AMOTL1: variants seen among roughly 807,000 people sequenced by gnomAD.
AMOTL1 encodes angiomotin-like protein 1.
In AMOTL1, 45 loss-of-function variants were observed where a neutral mutation model predicts 102.9. The observed-to-expected ratio is 0.44, with a 90% confidence interval of 0.34 to 0.56. AMOTL1 has a LOEUF of 0.56. Among genes scored for constraint, AMOTL1 ranks in the 20% least tolerant of loss-of-function variants. The probability of loss-of-function intolerance (pLI) is 0.01; values close to 1 mark genes in which losing one functional copy is unlikely to be tolerated. For synonymous variants in AMOTL1, 481 were observed against 484.7 expected, an observed-to-expected ratio of 0.99 and a Z score of 0.10; for missense variants, 1,114 against 1,225.6, an observed-to-expected ratio of 0.91 and a Z score of 1.36.
At chr11:94,866,465 T>C (rs1251113384) in intron 11 of AMOTL1, 2 of 394,384 alleles carry the variant, frequency 5.1e-6, no homozygotes, top group East Asian at 1.1e-4. Flanking sequence ...TAGAAAAGCC[T>C]AGAGACATCA....
intron 1 of AMOTL1, among the ~76,000 whole-genome samples, chr11:94,787,897 C>T (rs1357961773): frequency 1.3e-5 from 2 of 152,004 alleles, no homozygotes; most frequent in African/African-American, 4.8e-5. Context: ...TTGGAAGGCT[C>T]AGAAAATGGG....
chr11:94,759,129 C>CA (rs1434997572), intron 3 of AMOTL1, among the ~76,000 whole-genome samples: 1 of 152,034 alleles, frequency 6.6e-6, no homozygotes, highest in Non-Finnish European at 1.5e-5. Context: ...TAGTTTTAAC[C>CA]AAAAAAGTGC....
intron 3 of AMOTL1, among the ~76,000 whole-genome samples, chr11:94,816,788 G>T (rs1165427475): frequency 6.6e-6 from 1 of 152,152 alleles, no homozygotes; most frequent in Non-Finnish European, 1.5e-5. Context: ...GGTAGAAGAT[G>T]CCAACCAAAA....
At chr11:94,825,753 AAAG>A (rs1951951007) in intron 4 of AMOTL1, among the ~76,000 whole-genome samples, 1 of 152,214 alleles carries the variant, frequency 6.6e-6, no homozygotes, top group Admixed American at 6.5e-5. Flanking sequence ...GGAGTAATAG[AAAG>A]AAGAAGGTGT....
intron 3 of AMOTL1, among the ~76,000 whole-genome samples, chr11:94,755,668 C>T (rs1352375180): frequency 2.6e-5 from 4 of 152,074 alleles, no homozygotes; most frequent in Non-Finnish European, 5.9e-5. Context: ...GGGCGTGGCT[C>T]GCTTCTTCAG....
chr11:94,722,427 G>T (rs746318654), intron 1 of AMOTL1, among the ~76,000 whole-genome samples: 3 of 151,992 alleles, frequency 2.0e-5, no homozygotes, highest in Non-Finnish European at 4.4e-5. Flanking sequence ...CATTTACTTA[G>T]TTTTTATTTC....
intron 6 of AMOTL1, among the ~76,000 whole-genome samples, chr11:94,838,936 A>T (rs751834231): frequency 6.6e-6 from 1 of 152,190 alleles, no homozygotes; most frequent in Non-Finnish European, 1.5e-5. Flanking sequence ...AATTGGCTGG[A>T]TAGTGAAGTC....
chr11:94,756,520 A>G (rs1202274697), intron 3 of AMOTL1, among the ~76,000 whole-genome samples: 2 of 152,196 alleles, frequency 1.3e-5, no homozygotes, highest in South Asian at 2.1e-4. Flanking sequence ...ATTATATTCT[A>G]TTTCATTTAT....
chr11:94,746,917 A>C (rs1192081827), intron 3 of AMOTL1, among the ~76,000 whole-genome samples: 1 of 151,920 alleles, frequency 6.6e-6, no homozygotes, highest in African/African-American at 2.4e-5. Context: ...TTCAGTAAAT[A>C]TTTGTTGAAT....
chr11:94,711,789 G>A (rs181323530), intron 1 of AMOTL1, among the ~76,000 whole-genome samples: 302 of 152,156 alleles, frequency 2.0e-3, no homozygotes, highest in Non-Finnish European at 3.5e-3. Context: ...TTACTGTGTT[G>A]TATTGAATAG....
intron 1 of AMOTL1, among the ~76,000 whole-genome samples, chr11:94,785,094 C>CTTTT (rs1951164940): frequency 6.6e-6 from 1 of 152,152 alleles, no homozygotes; most frequent in Non-Finnish European, 1.5e-5. Context: ...TTCCCTGAAG[C>CTTTT]TTTTATAAAA....
At chr11:94,727,860 ATTTG>A (rs1205477616) in intron 1 of AMOTL1, among the ~76,000 whole-genome samples, 2 of 152,134 alleles carry the variant, frequency 1.3e-5, no homozygotes. Context: ...AGATATTGTT[ATTTG>A]TTTGGTGCAT....
intron 1 of AMOTL1, among the ~76,000 whole-genome samples, chr11:94,707,214 G>GTCTC (rs56290112): frequency 9.5e-4 from 126 of 132,328 alleles, no homozygotes; most frequent in African/African-American, 3.6e-3. Context: ...TATACATGAG[G>GTCTC]TCTCTCTCTC....
At chr11:94,720,614 GCT>G (rs1484638525) in intron 1 of AMOTL1, among the ~76,000 whole-genome samples, 1 of 152,036 alleles carries the variant, frequency 6.6e-6, no homozygotes. Context: ...AATATTTGTA[GCT>G]CTCTCTTTCC....
Position 94,751,454 on chromosome 11 carries a change from C to T in AMOTL1, c.136+10466C>T, listed in dbSNP as rs1314005194. On this transcript the variant is annotated intron_variant, in intron 3 of 4. Coordinates refer to the AMOTL1 transcript ENST00000299004. ...ATTTCTAAAAGAAACGAAACCTTTG[C>T]AGCAGCACAATTTGGGGCGAGGCGG... 3.3e-5 allele frequency among the ~76,000 whole-genome samples: 5 copies of T among 152,056 alleles called. No homozygotes were observed. In the South Asian group the frequency reaches 6.2e-4, roughly 19 times the overall value.
At chr11:94,868,939 C>G (rs1952936042) in intron 11 of AMOTL1, among the ~76,000 whole-genome samples, 1 of 146,386 alleles carries the variant, frequency 6.8e-6, no homozygotes, top group African/African-American at 2.6e-5. Flanking sequence ...ACTACTTCTC[C>G]ACTCCAAAAA....
intron 2 of AMOTL1, among the ~76,000 whole-genome samples, chr11:94,732,156 C>T (rs1950364563): frequency 6.6e-6 from 1 of 152,182 alleles, no homozygotes; most frequent in Non-Finnish European, 1.5e-5. Context: ...GTGGGGTTTG[C>T]ATTTCTAGTG....
At chr11:94,713,486 T>C (rs1016417524) in intron 1 of AMOTL1, among the ~76,000 whole-genome samples, 6 of 151,942 alleles carry the variant, frequency 3.9e-5, no homozygotes, top group African/African-American at 1.4e-4. Flanking sequence ...ATTTTTACTA[T>C]GTTGAGTCTT....
At chr11:94,742,675 G>A (rs936080137) in intron 3 of AMOTL1, among the ~76,000 whole-genome samples, 2 of 152,196 alleles carry the variant, frequency 1.3e-5, no homozygotes, top group Non-Finnish European at 2.9e-5. Flanking sequence ...GGAGATTAGA[G>A]TGTGTGTCTT....
Sources: gnomAD v4.1 joint callset for allele counts (sites outside exome capture counted in the v4.1 genomes callset) on GRCh38, gnomAD v4.1.1 for gene constraint, MANE v1.5 for transcripts, NCBI Gene and HGNC (gene_info 2026-07-23, HGNC 2026-07-21) for gene names.